Variants in EXPH5 observed in about 807,000 individuals in gnomAD.
EXPH5 encodes exophilin 5.
In EXPH5, 42 loss-of-function variants were observed where a neutral mutation model predicts 41.1. That is an observed-to-expected ratio of 1.02 (90% CI 0.80 to 1.32). The LOEUF (loss-of-function observed/expected upper bound fraction) is 1.32, where lower values mean the gene tolerates loss of function less well. EXPH5 is among the 40% of genes most tolerant of loss of function. The pLI is 0.00. For synonymous variants in EXPH5, 798 were observed against 833.5 expected, an observed-to-expected ratio of 0.96 and a Z score of 0.73; for missense variants, 2,298 against 2,314.5, an observed-to-expected ratio of 0.99 and a Z score of 0.15.
chr11:108,596,179 A>G (rs1218935480), upstream of EXPH5, among the ~76,000 whole-genome samples: 3 of 152,066 alleles, frequency 2.0e-5, no homozygotes, highest in Admixed American at 6.6e-5. Context: ...TGGGCAACAG[A>G]GTGAGACTCT....
chr11:108,604,386 A>G, the EXPH5 span, among the ~76,000 whole-genome samples: 1 of 151,914 alleles, frequency 6.6e-6, no homozygotes, highest in Admixed American at 6.6e-5. Context: ...ACAGAGCAAG[A>G]TCCTGTCTCA....
chr11:108,551,270 C>T (rs1047974707), intron 1 of EXPH5, among the ~76,000 whole-genome samples: 1 of 152,212 alleles, frequency 6.6e-6, no homozygotes, highest in African/African-American at 2.4e-5. Context: ...AGAAACAATG[C>T]AATTGATACA....
intron 4 of EXPH5, among the ~76,000 whole-genome samples, chr11:108,519,786 C>A (rs1013703935): frequency 8.0e-5 from 12 of 150,226 alleles, no homozygotes; most frequent in Admixed American, 2.7e-4. Context: ...CCACAAAAAA[C>A]CAAAAATACA....
intron 1 of EXPH5, among the ~76,000 whole-genome samples, chr11:108,554,062 CCT>C (rs1491408478): frequency 6.9e-6 from 1 of 145,732 alleles, no homozygotes; most frequent in Non-Finnish European, 1.5e-5. Flanking sequence ...TGGCCCCTGA[CCT>C]TTTTTTTTTT....
chr11:108,564,124 A>G (rs1432366011), intron 1 of EXPH5, among the ~76,000 whole-genome samples: 1 of 151,678 alleles, frequency 6.6e-6, no homozygotes, highest in Non-Finnish European at 1.5e-5. Flanking sequence ...TACTAAAAAT[A>G]CAAAAAAAAA....
intron 1 of EXPH5, among the ~76,000 whole-genome samples, chr11:108,581,675 CA>C (rs1027048009): frequency 2.0e-5 from 3 of 151,634 alleles, no homozygotes; most frequent in African/African-American, 7.3e-5. Context: ...TAAATTGAAA[CA>C]AAAACAATAA....
At position 108,512,197 on chromosome 11, in the gene EXPH5, T is replaced by C. The variant is rs776563888; in HGVS notation, c.3310A>G (p.Ser1104Gly). 6.2e-6 allele frequency: 10 copies of C among 1,609,264 alleles called. No homozygotes were observed. Among genetic ancestry groups the C allele is most frequent in the Non-Finnish European group, 8.5e-6 (10 of 1,178,200 alleles). The change falls in exon 6 of 6, where the codon AGC (serine) becomes GGC (glycine). Residue 1104 changes from serine to glycine, a missense_variant. Coordinates refer to ENST00000265843, the MANE Select transcript of EXPH5 (RefSeq NM_015065.3). ...EATERMTNVK[S>G]SGSTSVRKGP... Reference sequence around the variant, plus strand: ...TTTCTAACGGAAGTAGATCCACTGCTTTTTACATTTGTCATTCTCTCTGTG... The same window carrying C: ...TTTCTAACGGAAGTAGATCCACTGCCTTTTACATTTGTCATTCTCTCTGTG...
At chr11:108,573,139 G>GAAAGAAA (rs2094066723) in intron 1 of EXPH5, among the ~76,000 whole-genome samples, 1 of 90,508 alleles carries the variant, frequency 1.1e-5, no homozygotes. Context: ...AAGGAAAGAA[G>GAAAGAAA]GAAAGAAAGA....
intron 1 of EXPH5, among the ~76,000 whole-genome samples, chr11:108,564,102 A>C (rs1330261170): frequency 6.6e-6 from 1 of 152,066 alleles, no homozygotes; most frequent in Non-Finnish European, 1.5e-5. Flanking sequence ...CAACATGGTG[A>C]AACCCTGTCT....
chr11:108,541,931 G>T, intron 1 of EXPH5, 119 bp from the exon 2 acceptor site: 1 of 753,006 alleles, frequency 1.3e-6, no homozygotes, highest in Non-Finnish European at 2.1e-6. Flanking sequence ...AGGCTGGAGT[G>T]CAGTGGCACA....
intron 1 of EXPH5, among the ~76,000 whole-genome samples, chr11:108,582,767 C>T (rs531728879): frequency 1.6e-4 from 24 of 152,314 alleles, no homozygotes; most frequent in Non-Finnish European, 3.1e-4. Context: ...AGGGTCTGTT[C>T]CAGGCCTCTC....
At position 108,511,775 on chromosome 11, in the gene EXPH5, T is replaced by G. The variant is rs1205840672; in HGVS notation, c.3732A>C (p.Val1244=). 9.9e-6 allele frequency: 16 copies of G among 1,610,182 alleles called. No homozygotes were observed. Among genetic ancestry groups the G allele is most frequent in the Non-Finnish European group, 1.4e-5 (16 of 1,179,178 alleles). ...ATATTGAGACCACCTCCAGACATTTTACATTATCTTCATCACCAGAAACAG... is the reference window on the plus strand; with the variant it reads ...ATATTGAGACCACCTCCAGACATTTGACATTATCTTCATCACCAGAAACAG... The part of the protein sequence containing the change: ...TFSVSGDEDN[V]KCLEVVSIYY... The change falls in exon 6 of 6, where the codon GTA becomes GTC. Residue 1244 remains valine, a synonymous_variant. Coordinates refer to ENST00000265843, the MANE Select transcript of EXPH5 (RefSeq NM_015065.3).
At chr11:108,602,463 C>A in the EXPH5 span, among the ~76,000 whole-genome samples, 2 of 152,068 alleles carry the variant, frequency 1.3e-5, no homozygotes, top group Non-Finnish European at 2.9e-5. Flanking sequence ...TGTTATCCAC[C>A]GATTTTCCAG....
In EXPH5 at chr11:108,512,641, C is replaced by T. The variant is rs1355190658; in HGVS notation, c.2866G>A (p.Val956Met). Reference sequence around the variant, plus strand: ...TGTGAATGGCATTTGACATCAACCACTTCATCATGTGTAGGCACAGGACTA... The same window carrying T: ...TGTGAATGGCATTTGACATCAACCATTTCATCATGTGTAGGCACAGGACTA... Reference protein sequence around the residue: ...NDSPVPTHDEVVDVKCHSHSP... With the variant: ...NDSPVPTHDEMVDVKCHSHSP... The change falls in exon 6 of 6, where the codon GTG becomes ATG. Residue 956 changes from valine to methionine, a missense_variant. Transcript: ENST00000265843. The T allele has an allele frequency of 1.2e-5, 19 of 1,613,936 alleles. No homozygotes were observed. Among genetic ancestry groups the T allele is most frequent in the East Asian group, 6.7e-5 (3 of 44,892 alleles).
chr11:108,562,354 A>C (rs909518353), intron 1 of EXPH5, among the ~76,000 whole-genome samples: 2 of 135,750 alleles, frequency 1.5e-5, no homozygotes, highest in African/African-American at 5.7e-5. Context: ...GCACTTTGGG[A>C]GGTCGAGGTG....
intron 1 of EXPH5, among the ~76,000 whole-genome samples, chr11:108,575,478 C>T (rs2094076541): frequency 6.6e-6 from 1 of 151,940 alleles, no homozygotes. Flanking sequence ...CTTAATGTAG[C>T]AATAAGAAAC....
chr11:108,593,724 T>C lies in EXPH5; in HGVS notation c.-188A>G. ...CTGAAGGGCTCATATTGACAATACC[T>C]TAATGACATGTTTCTCTCAACCTGT... On this transcript the variant is annotated 5_prime_UTR_variant, in exon 1 of 6. Transcript: ENST00000265843. 2.0e-6 allele frequency: 3 copies of C among 1,538,328 alleles called. No homozygotes were observed. Among genetic ancestry groups the C allele is most frequent in the Middle Eastern group, 3.3e-4 (2 of 5,994 alleles).
At chr11:108,601,749 CT>C in the EXPH5 span, among the ~76,000 whole-genome samples, 1 of 148,494 alleles carries the variant, frequency 6.7e-6, no homozygotes, top group African/African-American at 2.5e-5. Flanking sequence ...TCTTTTCTTT[CT>C]TTTTTATTTT....
chr11:108,603,798 C>T, the EXPH5 span, among the ~76,000 whole-genome samples: 5 of 152,224 alleles, frequency 3.3e-5, no homozygotes, highest in Admixed American at 6.5e-5. Context: ...ATATGACCTC[C>T]ACCTGTGGGC....
Sources: allele counts gnomAD v4.1 joint callset (sites outside exome capture counted in the v4.1 genomes callset), GRCh38; gene constraint gnomAD v4.1.1; transcripts MANE v1.5; gene names NCBI Gene and HGNC (gene_info 2026-07-23, HGNC 2026-07-21).